GALNT7: variants seen among roughly 807,000 people sequenced by gnomAD.
GALNT7 encodes the protein polypeptide N-acetylgalactosaminyltransferase 7.
GALNT7 carries 60 observed loss-of-function variants against 82.1 expected under a neutral mutation model. The ratio of observed to expected loss-of-function variants is 0.73; its 90% CI spans 0.59 to 0.91. The LOEUF is 0.91. Ranked by LOEUF, GALNT7 falls within the 40% of genes least tolerant of loss-of-function variation. The pLI, the probability that GALNT7 is intolerant of heterozygous loss-of-function variation, is 0.00. For missense variants in GALNT7, 660 were observed against 804.2 expected (o/e 0.82, Z 2.17); for synonymous variants, 243 against 275.1 (o/e 0.88, Z 1.15).
At chr4:173,242,459 G>T (rs1221445693) in intron 1 of GALNT7, among the ~76,000 whole-genome samples, 2 of 152,112 alleles carry the variant, frequency 1.3e-5, no homozygotes, top group African/African-American at 2.4e-5. Context: ...TTGGAAATGG[G>T]TCCTTTCCTG....
chr4:173,295,403 A>T lies in GALNT7; in HGVS notation c.762A>T (p.Leu254Phe), dbSNP rs746665939. 9 of 1,578,920 alleles carry T rather than the reference A, an allele frequency of 5.7e-6. No individual in the cohort carries two copies. The South Asian group carries it at 1.0e-4, about 18-fold the overall frequency. ...LIDDFSNKEH[L>F]KEKLDEYIKL... Reference sequence around the variant, plus strand: ...ATTGATTTTTCTTAACAGAACACTTAAAAGAAAAACTGGATGAATATATTA... The same window carrying T: ...ATTGATTTTTCTTAACAGAACACTTTAAAGAAAAACTGGATGAATATATTA... The change falls in exon 4 of 12, where the codon TTA becomes TTT. Residue 254 changes from leucine (L) to phenylalanine (F), a missense_variant. Leu to Phe is a conservative substitution (Grantham distance 22). Coordinates refer to ENST00000265000, the MANE Select transcript of GALNT7 (RefSeq NM_017423.3).
chr4:173,248,974 T>C (rs1734757575), intron 2 of GALNT7, among the ~76,000 whole-genome samples: 2 of 152,222 alleles, frequency 1.3e-5, no homozygotes, highest in Admixed American at 6.5e-5. Flanking sequence ...TGAAACACTT[T>C]ACTATATGCA....
intron 2 of GALNT7, among the ~76,000 whole-genome samples, chr4:173,253,933 A>G (rs1472654010): frequency 6.6e-6 from 1 of 152,218 alleles, no homozygotes; most frequent in Non-Finnish European, 1.5e-5. Context: ...ACACTTGGAA[A>G]TATTCTTACC....
At chr4:173,184,168 A>C (rs1178663615) in intron 1 of GALNT7, among the ~76,000 whole-genome samples, 1 of 151,880 alleles carries the variant, frequency 6.6e-6, no homozygotes, top group Non-Finnish European at 1.5e-5. Flanking sequence ...GCGGCCAGGC[A>C]GAGACGCTCC....
intron 7 of GALNT7, 86 bp from the exon 8 acceptor site, chr4:173,303,910 T>A (rs1737051331): frequency 1.8e-6 from 2 of 1,134,900 alleles, no homozygotes; most frequent in Non-Finnish European, 2.6e-6. Flanking sequence ...AATTTAGATT[T>A]TAGATTTACA....
chr4:173,279,710 C>T (rs1736041783), intron 2 of GALNT7, among the ~76,000 whole-genome samples: 1 of 152,046 alleles, frequency 6.6e-6, no homozygotes. Context: ...TGGTGGCTCA[C>T]GACTGTAATC....
At chr4:173,270,756 C>A (rs1047595400) in intron 2 of GALNT7, among the ~76,000 whole-genome samples, 2 of 152,220 alleles carry the variant, frequency 1.3e-5, no homozygotes, top group African/African-American at 4.8e-5. Context: ...GCAACTGGCC[C>A]TTGTAAAAGA....
chr4:173,185,826 G>C (rs767322268), intron 1 of GALNT7, among the ~76,000 whole-genome samples: 2 of 152,206 alleles, frequency 1.3e-5, no homozygotes, highest in African/African-American at 4.8e-5. Flanking sequence ...TTAGGTTCAA[G>C]AGATTTAGCA....
Position 173,212,288 on chromosome 4 carries a change from G to A in GALNT7, c.127-35692G>A, listed in dbSNP as rs182442316. Among the ~76,000 whole-genome samples the A allele has an allele frequency of 3.3e-5, 5 of 152,094 alleles. No homozygotes were observed. The South Asian group carries it at 8.3e-4, about 25-fold the overall frequency. On this transcript the variant is annotated intron_variant, in intron 1 of 11. Transcript: ENST00000265000. ...AAATATTTTCATAGTTCTTTAATCC[G>A]TATGCTTATTAAAAATCAACTTAAG...
intron 2 of GALNT7, among the ~76,000 whole-genome samples, chr4:173,253,053 TCAG>T (rs1734901819): frequency 6.6e-6 from 1 of 151,754 alleles, no homozygotes; most frequent in Admixed American, 6.6e-5. Flanking sequence ...TACAAAAAAA[TCAG>T]CTGGGCGTGT....
intron 2 of GALNT7, among the ~76,000 whole-genome samples, chr4:173,283,635 GAAAAA>G (rs201117902): frequency 1.1e-5 from 1 of 92,850 alleles, no homozygotes; most frequent in Non-Finnish European, 2.2e-5. Context: ...AACTCTGTCT[GAAAAA>G]AAAAAAAAAA....
At chr4:173,219,117 C>T (rs1733559779) in intron 1 of GALNT7, among the ~76,000 whole-genome samples, 1 of 151,856 alleles carries the variant, frequency 6.6e-6, no homozygotes, top group African/African-American at 2.4e-5. Context: ...AGTCTTTTAT[C>T]CCTCTCCTCC....
chr4:173,295,521 G>A lies in GALNT7; in HGVS notation c.880G>A (p.Gly294Arg). ...RSIGAQKAKL[G>R]QVLIYLDAHC... ...TATTGGTGCTCAGAAGGCTAAACTT[G>A]GACAGGTAGGAAGCATTTGATATCT... is the stretch of plus-strand genomic sequence containing the variant. The change falls in exon 4 of 12, where the codon GGA (glycine) becomes AGA (arginine). Residue 294 changes from glycine (G) to arginine (R), a missense_variant. Physicochemically the swap from Gly to Arg is moderately radical, Grantham distance 125 (BLOSUM62 -2). Coordinates refer to ENST00000265000, the MANE Select transcript of GALNT7 (RefSeq NM_017423.3). 6.2e-7 allele frequency: 1 copy of A among 1,613,446 alleles called. No individual in the cohort carries two copies.
intron 2 of GALNT7, among the ~76,000 whole-genome samples, chr4:173,270,021 T>C (rs1331908478): frequency 6.6e-6 from 1 of 152,212 alleles, no homozygotes; most frequent in Non-Finnish European, 1.5e-5. Context: ...ATGATATAAA[T>C]GTATGCATAT....
At chr4:173,170,002 T>G (rs1731803199) in intron 1 of GALNT7, among the ~76,000 whole-genome samples, 1 of 151,840 alleles carries the variant, frequency 6.6e-6, no homozygotes, top group Non-Finnish European at 1.5e-5. Context: ...ATTTGGAGGG[T>G]TTAGTCAGGC....
At chr4:173,261,801 A>C (rs987649918) in intron 2 of GALNT7, among the ~76,000 whole-genome samples, 17 of 152,220 alleles carry the variant, frequency 1.1e-4, no homozygotes, top group Non-Finnish European at 2.2e-4. Flanking sequence ...CCTGGGGGAC[A>C]GAGCCAGACT....
chr4:173,172,274 C>T (rs1731902534), intron 1 of GALNT7, among the ~76,000 whole-genome samples: 1 of 152,182 alleles, frequency 6.6e-6, no homozygotes, highest in Non-Finnish European at 1.5e-5. Flanking sequence ...AGTGGCCTGC[C>T]AGCAGCGGGG....
chr4:173,253,036 C>T (rs1217510687), intron 2 of GALNT7, among the ~76,000 whole-genome samples: 1 of 151,946 alleles, frequency 6.6e-6, no homozygotes, highest in African/African-American at 2.4e-5. Flanking sequence ...CCCATCTCTA[C>T]CAAAAATACA....
intron 1 of GALNT7, among the ~76,000 whole-genome samples, chr4:173,198,399 G>C (rs979369065): frequency 6.6e-6 from 1 of 152,182 alleles, no homozygotes; most frequent in Admixed American, 6.5e-5. Flanking sequence ...AAAAGACTGG[G>C]GAGAAGGGCA....
Sources: gnomAD v4.1 joint callset for allele counts (sites outside exome capture counted in the v4.1 genomes callset) on GRCh38, gnomAD v4.1.1 for gene constraint, MANE v1.5 for transcripts, NCBI Gene and HGNC (gene_info 2026-07-23, HGNC 2026-07-21) for gene names.